The following RARA variants were observed in gnomAD, a reference collection of about 807,000 sequenced individuals.
RARA encodes retinoic acid receptor alpha.
RARA carries 5 observed loss-of-function variants against 42.8 expected under a neutral mutation model. That is an observed-to-expected ratio of 0.12 (90% CI 0.06 to 0.25). The LOEUF (loss-of-function observed/expected upper bound fraction) is 0.25, where lower values mean the gene tolerates loss of function less well. RARA is among the 10% of genes least tolerant of loss of function. The pLI is 1.00. For missense variants in RARA, 402 were observed against 628.7 expected, an observed-to-expected ratio of 0.64 and a Z score of 3.86; for synonymous variants, 256 against 259.5, an observed-to-expected ratio of 0.99 and a Z score of 0.13.
In RARA at chr17:40,352,200, C is replaced by T; in HGVS notation, c.630+130C>T. 1.3e-6 allele frequency: 2 copies of T among 1,495,104 alleles called. No homozygotes were observed. The highest frequency in any genetic ancestry group is 1.8e-6 in the Non-Finnish European group (2 of 1,128,920). 92.6% of individuals were successfully genotyped at this position (1,495,104 alleles called of 1,614,324 possible). On this transcript the variant is annotated intron_variant, in intron 5 of 8. Transcript: ENST00000254066. The surrounding 1 kb of genome is among the most constrained non-coding windows in gnomAD (Gnocchi z 4.9). ...CCTTCCCTTCCCCTCTCTTCTCCCT[C>T]CTCCTGCTGCCTCTTCCCAAGGAGC...
At chr17:40,321,204 G>A (rs959502402) in intron 1 of RARA, among the ~76,000 whole-genome samples, 4 of 151,962 alleles carry the variant, frequency 2.6e-5, no homozygotes, top group Admixed American at 6.6e-5. Context: ...CAGGGTGGGC[G>A]GCATGTGGGG....
intron 2 of RARA, chr17:40,342,478 C>T: frequency 4.8e-6 from 6 of 1,254,928 alleles, no homozygotes; most frequent in Non-Finnish European, 6.0e-6. Flanking sequence ...CGGACCCCCC[C>T]TCCCAGCACA....
At chr17:40,315,217 CA>C (rs1171852987) in intron 1 of RARA, among the ~76,000 whole-genome samples, 2 of 117,874 alleles carry the variant, frequency 1.7e-5, no homozygotes, top group African/African-American at 6.4e-5. Flanking sequence ...TTTATTTTAA[CA>C]AAAAAGACAC....
At position 40,355,437 on chromosome 17, in the gene RARA, C is replaced by T; in HGVS notation, c.1171+16C>T. On this transcript the variant is annotated intron_variant, in intron 8 of 8. Coordinates refer to ENST00000254066, the MANE Select transcript of RARA (RefSeq NM_000964.4). This position sits in a 1 kb window ranked among gnomAD's most constrained non-coding sequence, Gnocchi z 4.1. ...AGCGCCAAGGGTGAGGCTCACAGAC[C>T]TGGAGGGGTACCGGCCCCCGACACC... 6.2e-7 allele frequency: 1 copy of T among 1,605,084 alleles called. No individual in the cohort carries two copies. Among genetic ancestry groups the T allele is most frequent in the Middle Eastern group, 1.7e-4 (1 of 6,026 alleles).
At chr17:40,342,651 CG>C in intron 2 of RARA, 2 of 1,556,088 alleles carry the variant, frequency 1.3e-6, no homozygotes, top group Non-Finnish European at 8.7e-7. Flanking sequence ...GGCTGAGTGA[CG>C]GGGGCGGCGC....
At chr17:40,316,643 G>A (rs996934532) in intron 1 of RARA, among the ~76,000 whole-genome samples, 7 of 152,244 alleles carry the variant, frequency 4.6e-5, no homozygotes, top group African/African-American at 1.4e-4. Flanking sequence ...GTCCTGGGCT[G>A]GTTCTCACCT....
chr17:40,354,610 AG>A lies in RARA; in HGVS notation c.1012+107del, dbSNP rs1490293925. 1 of 1,364,544 alleles carries A rather than the reference AG, an allele frequency of 7.3e-7. No homozygotes were observed. The highest frequency in any genetic ancestry group is 2.5e-5 in the East Asian group (1 of 40,648). 84.5% of individuals were successfully genotyped at this position (1,364,544 alleles called of 1,614,324 possible). A position where few individuals can be genotyped will look rare whatever the true frequency, so the allele number is the denominator to read the frequency against. ...GGCCACCTCTGTTAGGTATCTCTAG[AG>A]GGCAGGGTCTGGTCTGCAACTACAC... On this transcript the variant is annotated intron_variant, in intron 7 of 8. Transcript: ENST00000254066. This position sits in a 1 kb window ranked among gnomAD's most constrained non-coding sequence, Gnocchi z 4.5.
intron 1 of RARA, among the ~76,000 whole-genome samples, chr17:40,321,216 C>T (rs1312598617): frequency 6.6e-6 from 1 of 151,830 alleles, no homozygotes; most frequent in East Asian, 1.9e-4. Context: ...CATGTGGGGA[C>T]CTAGTGTGAG....
Position 40,356,101 on chromosome 17 carries a change from A to C in RARA, c.1264A>C (p.Thr422Pro). 1 of 650,328 alleles carries C rather than the reference A, an allele frequency of 1.5e-6. No individual in the cohort carries two copies. Among genetic ancestry groups the C allele is most frequent in the Non-Finnish European group, 2.5e-6 (1 of 401,412 alleles). 40.3% of individuals were successfully genotyped at this position (650,328 alleles called of 1,614,324 possible). ...EMLENSEGLD[T>P]LSGQPGGGGR... ...GTTGGAGAACTCAGAGGGCCTGGAC[A>C]CTCTGAGCGGACAGCCGGGGGGTGG... is the stretch of plus-strand genomic sequence containing the variant. Residue 422 changes from threonine (T) to proline (P), a missense_variant, in exon 9 of 9, where the codon ACT becomes CCT. Transcript: ENST00000254066.
intron 1 of RARA, chr17:40,318,214 CCTACCT>C (rs2033257131): frequency 6.6e-6 from 1 of 152,266 alleles, no homozygotes; most frequent in African/African-American, 2.4e-5. Context: ...AGGGCCTCCC[CCTACCT>C]CTGCTCCGTA....
Position 40,352,257 on chromosome 17 carries a change from G to T in RARA, c.631-74G>T. On this transcript the variant is annotated intron_variant, in intron 5 of 8. Transcript: ENST00000254066. This position sits in a 1 kb window ranked among gnomAD's most constrained non-coding sequence, Gnocchi z 4.9. ...GAAGTGAAGGCTGGGTAGAGGGCAG[G>T]CCTGTGGGGGCTGGAGCCAGGCTGA... 1 of 1,534,010 alleles carries T rather than the reference G, an allele frequency of 6.5e-7. No homozygotes were observed.
At chr17:40,353,538 C>G (rs1418107807) in intron 6 of RARA, among the ~76,000 whole-genome samples, 1 of 152,180 alleles carries the variant, frequency 6.6e-6, no homozygotes. Context: ...CAGCCTGCAA[C>G]TGCTGCCTCC....
intron 1 of RARA, among the ~76,000 whole-genome samples, chr17:40,314,216 G>A (rs1014876925): frequency 3.3e-5 from 5 of 151,026 alleles, no homozygotes; most frequent in Admixed American, 3.3e-4. Context: ...CTGGGGAAGG[G>A]ATTGGGTGAC....
At chr17:40,318,143 C>T (rs1044013418) in intron 1 of RARA, 1 of 152,126 alleles carries the variant, frequency 6.6e-6, no homozygotes, top group African/African-American at 2.4e-5. Context: ...GGGCGTGAGC[C>T]TGTAGATCCG....
Position 40,326,692 on chromosome 17 carries a change from C to T in RARA, c.-362-4165C>T. The T allele has an allele frequency of 6.5e-6, 1 of 153,060 alleles. No individual in the cohort carries two copies. Among genetic ancestry groups the T allele is most frequent in the East Asian group, 1.9e-4 (1 of 5,186 alleles). The allele number at this position is 153,060 out of a possible 1,614,324, so 9.5% of individuals were successfully genotyped here. ...GTTTTCTCTCTCTCAGGGGAGGGTG[C>T]CCGTGGGCAGTGGAGGTGGCTGGCA... is the stretch of plus-strand genomic sequence containing the variant. On this transcript the variant is annotated intron_variant, in intron 1 of 8. Transcript: ENST00000254066. The surrounding 1 kb of genome is among the most constrained non-coding windows in gnomAD (Gnocchi z 5.2).
Position 40,351,083 on chromosome 17 carries a change from GT to G in RARA, c.470-826del, listed in dbSNP as rs1442464018. Reference sequence around the variant, plus strand: ...GAATTAAAGCTTCCGAATGATAAACGTCTTGTCACAGCTGCAATTTTCTCTT... The same window carrying G: ...GAATTAAAGCTTCCGAATGATAAACGCTTGTCACAGCTGCAATTTTCTCTT... On this transcript the variant is annotated intron_variant, in intron 4 of 8. Coordinates refer to ENST00000254066, the MANE Select transcript of RARA (RefSeq NM_000964.4). This position sits in a 1 kb window ranked among gnomAD's most constrained non-coding sequence, Gnocchi z 4.1. 6.6e-6 allele frequency among the ~76,000 whole-genome samples: 1 copy of G among 151,770 alleles called. No homozygotes were observed. Among genetic ancestry groups the G allele is most frequent in the Non-Finnish European group, 1.5e-5 (1 of 67,976 alleles).
chr17:40,333,649 T>C (rs1179621309), intron 2 of RARA, among the ~76,000 whole-genome samples: 1 of 151,776 alleles, frequency 6.6e-6, no homozygotes, highest in Non-Finnish European at 1.5e-5. Flanking sequence ...TTTCTTTTTT[T>C]TTTTTCTCAT....
rs1334927229 is a variant in RARA at position 40,356,299 on chromosome 17, C to G, written c.*73C>G. On this transcript the variant is annotated 3_prime_UTR_variant, in exon 9 of 9. Coordinates refer to ENST00000254066, the MANE Select transcript of RARA (RefSeq NM_000964.4). ...CTCTGCCTTTCTACCGACCATGTGACCCCGCACCAGCCCTGCCCCCACCTG... is the reference window on the plus strand; with the variant it reads ...CTCTGCCTTTCTACCGACCATGTGAGCCCGCACCAGCCCTGCCCCCACCTG... The G allele has an allele frequency of 3.4e-6, 5 of 1,455,684 alleles. No homozygotes were observed. Among genetic ancestry groups the G allele is most frequent in the Non-Finnish European group, 4.7e-6 (5 of 1,066,608 alleles). The allele number at this position is 1,455,684 out of a possible 1,614,324, so 90.2% of individuals were successfully genotyped here.
At chr17:40,331,721 G>T (rs567981812) in intron 2 of RARA, among the ~76,000 whole-genome samples, 1 of 152,304 alleles carries the variant, frequency 6.6e-6, no homozygotes, top group South Asian at 2.1e-4. Flanking sequence ...GGACACACAG[G>T]TTGGAGGTGG....
Sources: gnomAD v4.1 joint callset for allele counts (sites outside exome capture counted in the v4.1 genomes callset) on GRCh38, gnomAD v4.1.1 for gene constraint, Gnocchi (gnomAD v3.1) non-coding constraint, MANE v1.5 for transcripts, NCBI Gene and HGNC (gene_info 2026-07-23, HGNC 2026-07-21) for gene names.